SHROOM3: variants seen among roughly 807,000 people sequenced by gnomAD.
The protein encoded by SHROOM3 is protein Shroom3.
In SHROOM3, 47 loss-of-function variants were observed where a neutral mutation model predicts 138.6. The ratio of observed to expected loss-of-function variants is 0.34; its 90% CI spans 0.27 to 0.43. The LOEUF is 0.43. Ranked by LOEUF, SHROOM3 falls within the 20% of genes least tolerant of loss-of-function variation. SHROOM3 has a pLI of 1.00. For synonymous variants in SHROOM3, 1,062 were observed against 1,063.3 expected, an observed-to-expected ratio of 1.00 and a Z score of 0.02; for missense variants, 2,491 against 2,596.5, an observed-to-expected ratio of 0.96 and a Z score of 0.88.
At chr4:76,460,370 G>A (rs972398683) in intron 1 of SHROOM3, among the ~76,000 whole-genome samples, 6 of 152,212 alleles carry the variant, frequency 3.9e-5, no homozygotes, top group Non-Finnish European at 7.4e-5. Context: ...TTTTTGTGTT[G>A]ACAAAAGACA....
At chr4:76,625,000 G>C (rs750773389) in intron 2 of SHROOM3, among the ~76,000 whole-genome samples, 13 of 152,180 alleles carry the variant, frequency 8.5e-5, no homozygotes, top group Non-Finnish European at 2.9e-5. Flanking sequence ...AAAGGTTCCT[G>C]TGTAAGCCTT....
At chr4:76,695,890 G>A (rs1465811289) in intron 2 of SHROOM3, among the ~76,000 whole-genome samples, 1 of 152,182 alleles carries the variant, frequency 6.6e-6, no homozygotes, top group Non-Finnish European at 1.5e-5. Flanking sequence ...CATCGAAGAA[G>A]CCCCTCAGCA....
chr4:76,569,720 A>G (rs1733797549), intron 2 of SHROOM3, among the ~76,000 whole-genome samples: 1 of 150,914 alleles, frequency 6.6e-6, no homozygotes, highest in African/African-American at 2.4e-5. Flanking sequence ...TTCCCCTCAA[A>G]GTGTGGTCTT....
At chr4:76,731,354 T>G (rs1296595949) in intron 4 of SHROOM3, among the ~76,000 whole-genome samples, 1 of 152,234 alleles carries the variant, frequency 6.6e-6, no homozygotes, top group Non-Finnish European at 1.5e-5. Flanking sequence ...ATTAAGGTAA[T>G]TTGTCCATCT....
chr4:76,554,502 C>T (rs563573987), intron 1 of SHROOM3, among the ~76,000 whole-genome samples: 71 of 149,848 alleles, frequency 4.7e-4, no homozygotes, highest in African/African-American at 1.6e-3. Flanking sequence ...TCACTGCAAG[C>T]GTCGGCTCTT....
At position 76,741,035 on chromosome 4, in the gene SHROOM3, G is replaced by A. The variant is rs1264948194; in HGVS notation, c.2862G>A (p.Ser954=). The A allele has an allele frequency of 1.3e-6, 2 of 1,489,128 alleles. No homozygotes were observed. The highest frequency in any genetic ancestry group is 1.4e-5 in the African/African-American group (1 of 70,766). 92.2% of individuals were successfully genotyped at this position (1,489,128 alleles called of 1,614,324 possible). ...RDLELGAPVA[S]RSWRPRPSSA... ...TGGAGCTGGGGGCGCCCGTGGCGTC[G>A]AGGTCCTGGCGGCCACGGCCTTCCT... The change falls in exon 5 of 11, where the codon TCG becomes TCA. Residue 954 remains serine, a synonymous_variant. Coordinates refer to ENST00000296043, the MANE Select transcript of SHROOM3 (RefSeq NM_020859.4). This position sits in a 1 kb window ranked among gnomAD's most constrained non-coding sequence, Gnocchi z 6.2.
chr4:76,467,930 G>A (rs1267213376), intron 1 of SHROOM3, among the ~76,000 whole-genome samples: 1 of 152,212 alleles, frequency 6.6e-6, no homozygotes, highest in Non-Finnish European at 1.5e-5. Flanking sequence ...GGAATGAAGA[G>A]TTCAGTCTTG....
intron 1 of SHROOM3, among the ~76,000 whole-genome samples, chr4:76,535,134 C>T (rs1732924761): frequency 6.6e-6 from 1 of 152,140 alleles, no homozygotes; most frequent in African/African-American, 2.4e-5. Flanking sequence ...TGCTATTTAT[C>T]TTTTTTGTAG....
At chr4:76,693,633 C>T (rs1719636286) in intron 2 of SHROOM3, among the ~76,000 whole-genome samples, 1 of 151,902 alleles carries the variant, frequency 6.6e-6, no homozygotes, top group African/African-American at 2.4e-5. Flanking sequence ...GATCTGCCTG[C>T]CCCAGCCTCC....
At chr4:76,587,476 C>T (rs1266086752) in intron 2 of SHROOM3, among the ~76,000 whole-genome samples, 1 of 151,830 alleles carries the variant, frequency 6.6e-6, no homozygotes, top group Non-Finnish European at 1.5e-5. Context: ...AGGTGTTTAC[C>T]CATTCTCAAT....
At chr4:76,494,633 G>A (rs953380119) in intron 1 of SHROOM3, among the ~76,000 whole-genome samples, 1 of 152,202 alleles carries the variant, frequency 6.6e-6, no homozygotes, top group Admixed American at 6.5e-5. Flanking sequence ...AATTGCTAAG[G>A]TAGGTGCCTG....
At chr4:76,489,602 G>A (rs1027931343) in intron 1 of SHROOM3, among the ~76,000 whole-genome samples, 4 of 152,116 alleles carry the variant, frequency 2.6e-5, no homozygotes, top group African/African-American at 9.7e-5. Context: ...GTGAGTCAAA[G>A]CTCGAGCCAG....
rs187465619 is a variant in SHROOM3 at position 76,778,961 on chromosome 4, G to C, written c.5775G>C (p.Val1925=). The C allele has an allele frequency of 6.2e-7, 1 of 1,614,014 alleles. No homozygotes were observed. Among genetic ancestry groups the C allele is most frequent in the East Asian group, 2.2e-5 (1 of 44,892 alleles). Residue 1925 remains valine, a synonymous_variant, in exon 11 of 11, where the codon GTG becomes GTC. Transcript: ENST00000296043. ...EEQLQDYQHF[V]KMKSTLLIEQ... ...AGCTCCAGGACTACCAGCACTTCGT[G>C]AAAATGAAGTCCACGCTCCTCATTG... is the stretch of plus-strand genomic sequence containing the variant.
At chr4:76,453,951 C>T (rs1730977365) in intron 1 of SHROOM3, among the ~76,000 whole-genome samples, 1 of 152,170 alleles carries the variant, frequency 6.6e-6, no homozygotes, top group Non-Finnish European at 1.5e-5. Flanking sequence ...ATTGCCAAGT[C>T]CAATGTCATG....
At chr4:76,765,827 CCATTT>C (rs1185264635) in intron 9 of SHROOM3, among the ~76,000 whole-genome samples, 1 of 152,168 alleles carries the variant, frequency 6.6e-6, no homozygotes, top group African/African-American at 2.4e-5. Context: ...TTTCTGGCCT[CCATTT>C]CAACATTCAT....
chr4:76,680,142 CTTTTT>C (rs11368349), intron 2 of SHROOM3, among the ~76,000 whole-genome samples: 1 of 138,688 alleles, frequency 7.2e-6, no homozygotes, highest in Admixed American at 7.1e-5. Context: ...TGACCTATAC[CTTTTT>C]TTTTTTTTTT....
intron 10 of SHROOM3, 49 bp from the exon 11 acceptor site, chr4:76,778,760 T>C: frequency 3.1e-6 from 5 of 1,611,498 alleles, no homozygotes; most frequent in South Asian, 2.2e-5. Flanking sequence ...GTCTGGCTCT[T>C]TTCTCCCTTT....
chr4:76,749,184 C>T, intron 6 of SHROOM3, 94 bp downstream of exon 6: 2 of 1,167,136 alleles, frequency 1.7e-6, no homozygotes, highest in Non-Finnish European at 2.6e-6. Flanking sequence ...AATGTGATGT[C>T]ATATAGTGTC....
In SHROOM3 at chr4:76,664,872, C is replaced by T. The variant is rs1577960494; in HGVS notation, c.324-45284C>T. The stretch of plus-strand genomic sequence containing the variant: ...TTGGTTTTAAAGGCTTCCAGGTGGT[C>T]GAGCACGGTGGCTTTTGCCTGTAAT... On this transcript the variant is annotated intron_variant, in intron 2 of 10. Transcript: ENST00000296043. The surrounding 1 kb of genome is among the most constrained non-coding windows in gnomAD (Gnocchi z 4.2). Among the ~76,000 whole-genome samples, 1 of 152,194 alleles carries T rather than the reference C, an allele frequency of 6.6e-6. No individual in the cohort carries two copies. The highest frequency in any genetic ancestry group is 1.9e-4 in the East Asian group (1 of 5,180).
Sources: allele counts gnomAD v4.1 joint callset (sites outside exome capture counted in the v4.1 genomes callset), GRCh38; gene constraint gnomAD v4.1.1; non-coding constraint Gnocchi (gnomAD v3.1); transcripts MANE v1.5; gene names NCBI Gene and HGNC (gene_info 2026-07-23, HGNC 2026-07-21).